GNAO1: variants seen among roughly 807,000 people sequenced by gnomAD.
The protein encoded by GNAO1 is G protein subunit alpha o1, also known as guanine nucleotide-binding protein G(o) subunit alpha.
For missense variants in GNAO1, 166 were observed against 478.7 expected, an observed-to-expected ratio of 0.35 and a Z score of 6.10; for synonymous variants, 164 against 180.7, an observed-to-expected ratio of 0.91 and a Z score of 0.74.
intron 6 of GNAO1, chr16:56,347,594 C>A (rs2143692674): frequency 1.0e-6 from 1 of 985,024 alleles, no homozygotes; most frequent in Non-Finnish European, 1.2e-6. Flanking sequence ...GCCCCCAGTC[C>A]AAACTCCTGG....
intron 2 of GNAO1, among the ~76,000 whole-genome samples, chr16:56,207,323 CT>C (rs1373326871): frequency 4.3e-4 from 65 of 152,340 alleles, no homozygotes; most frequent in African/African-American, 1.4e-3. Context: ...AATAAACACA[CT>C]GCAGATACAC....
At chr16:56,245,186 G>A (rs1196939185) in intron 2 of GNAO1, among the ~76,000 whole-genome samples, 1 of 152,166 alleles carries the variant, frequency 6.6e-6, no homozygotes, top group Non-Finnish European at 1.5e-5. Context: ...TGTTGTTCCA[G>A]GGAGATGTGG....
At chr16:56,345,743 T>C in intron 6 of GNAO1, 2 of 985,536 alleles carry the variant, frequency 2.0e-6, no homozygotes, top group Non-Finnish European at 2.4e-6. Context: ...AGCTAAGCCA[T>C]CCCGCCCAAC....
At chr16:56,281,056 ATTG>A (rs1327745432) in intron 3 of GNAO1, among the ~76,000 whole-genome samples, 4 of 152,042 alleles carry the variant, frequency 2.6e-5, no homozygotes, top group Admixed American at 2.6e-4. Flanking sequence ...TGTGGGTGCT[ATTG>A]TTGTCCTCAT....
intron 3 of GNAO1, among the ~76,000 whole-genome samples, chr16:56,318,846 T>C (rs1393566581): frequency 2.6e-5 from 4 of 152,196 alleles, no homozygotes; most frequent in African/African-American, 7.2e-5. Context: ...CAGGCTTCTT[T>C]CATGTTGCAA....
At chr16:56,298,051 G>A (rs748157938) in intron 3 of GNAO1, among the ~76,000 whole-genome samples, 1 of 151,942 alleles carries the variant, frequency 6.6e-6, no homozygotes, top group Non-Finnish European at 1.5e-5. Flanking sequence ...GCGTGCCTGT[G>A]GTCCCAGCTA....
At chr16:56,302,114 G>C (rs908905651) in intron 3 of GNAO1, 2 of 152,478 alleles carry the variant, frequency 1.3e-5, no homozygotes, top group African/African-American at 2.4e-5. Flanking sequence ...CAGCCCCACT[G>C]TCACCCTCTC....
intron 3 of GNAO1, among the ~76,000 whole-genome samples, chr16:56,289,149 C>G (rs1211789253): frequency 1.3e-5 from 2 of 152,192 alleles, no homozygotes; most frequent in African/African-American, 2.4e-5. Context: ...AGCCGCTGGG[C>G]TGTTAGCAGC....
intron 3 of GNAO1, chr16:56,300,818 G>T (rs1213444290): frequency 6.6e-6 from 1 of 152,228 alleles, no homozygotes; most frequent in South Asian, 2.1e-4. Context: ...TGTCTGGGTG[G>T]TTCCTGAGTT....
intron 3 of GNAO1, among the ~76,000 whole-genome samples, chr16:56,278,634 A>G (rs552123817): frequency 1.2e-4 from 18 of 152,204 alleles, no homozygotes; most frequent in Non-Finnish European, 2.4e-4. Flanking sequence ...CTAGCAGTAC[A>G]GGCAGCAAAC....
intron 3 of GNAO1, among the ~76,000 whole-genome samples, chr16:56,305,911 T>C (rs1266630321): frequency 1.3e-5 from 2 of 152,202 alleles, no homozygotes; most frequent in Non-Finnish European, 1.5e-5. Context: ...TTAGAACCCA[T>C]CTAATCATTT....
chr16:56,264,800 T>C (rs2036936019), intron 2 of GNAO1, among the ~76,000 whole-genome samples: 1 of 148,604 alleles, frequency 6.7e-6, no homozygotes, highest in South Asian at 2.1e-4. Flanking sequence ...TATCGTATAG[T>C]ATATAGTATT....
At chr16:56,337,289 G>A (rs2037750995) in intron 6 of GNAO1, among the ~76,000 whole-genome samples, 1 of 152,262 alleles carries the variant, frequency 6.6e-6, no homozygotes, top group Non-Finnish European at 1.5e-5. Flanking sequence ...GAAGCAGCAT[G>A]GGGCCGGGGA....
At chr16:56,273,119 A>G (rs1187577253) in intron 2 of GNAO1, among the ~76,000 whole-genome samples, 1 of 152,200 alleles carries the variant, frequency 6.6e-6, no homozygotes, top group Non-Finnish European at 1.5e-5. Context: ...CACATACAAG[A>G]ATCTTTCTAC....
intron 2 of GNAO1, chr16:56,235,275 A>G (rs2036627049): frequency 3.1e-5 from 14 of 455,368 alleles, no homozygotes; most frequent in South Asian, 2.2e-4. Flanking sequence ...CAGATCACCT[A>G]GAAACTTGAT....
chr16:56,305,276 A>G (rs1339925226), intron 3 of GNAO1, among the ~76,000 whole-genome samples: 1 of 152,256 alleles, frequency 6.6e-6, no homozygotes, highest in African/African-American at 2.4e-5. Flanking sequence ...CTGCCCTCAC[A>G]GAGCTTACAA....
intron 2 of GNAO1, among the ~76,000 whole-genome samples, chr16:56,262,470 A>G (rs768909134): frequency 6.6e-6 from 1 of 152,186 alleles, no homozygotes; most frequent in Non-Finnish European, 1.5e-5. Context: ...CCTGTGGTTC[A>G]TGAGAACACA....
At chr16:56,295,799 C>T (rs2037282451) in intron 3 of GNAO1, among the ~76,000 whole-genome samples, 1 of 152,248 alleles carries the variant, frequency 6.6e-6, no homozygotes, top group Non-Finnish European at 1.5e-5. Context: ...TTGCCGCTGA[C>T]ACTGTTGTCA....
intron 6 of GNAO1, among the ~76,000 whole-genome samples, chr16:56,337,320 G>A (rs1182250877): frequency 6.6e-6 from 1 of 152,226 alleles, no homozygotes; most frequent in African/African-American, 2.4e-5. Context: ...GAGGTGGGGA[G>A]GGCCCAGGAT....
Sources: allele counts gnomAD v4.1 joint callset (sites outside exome capture counted in the v4.1 genomes callset), GRCh38; gene constraint gnomAD v4.1.1; transcripts MANE v1.5; gene names NCBI Gene and HGNC (gene_info 2026-07-23, HGNC 2026-07-21).